Variants in INSYN2A observed in about 807,000 individuals in gnomAD.
INSYN2A encodes the protein family with sequence similarity 196 member A.
Under a neutral mutation model 39.4 loss-of-function variants are expected in INSYN2A, and 17 were observed. The observed-to-expected ratio is 0.43, with a 90% CI of 0.30 to 0.65. The LOEUF is 0.65. Among genes scored for constraint, INSYN2A ranks in the 30% least tolerant of loss-of-function variants. The probability of loss-of-function intolerance (pLI) is 0.14; values close to 1 mark genes in which losing one functional copy is unlikely to be tolerated. For missense variants in INSYN2A, 595 were observed against 631.2 expected (o/e 0.94, Z 0.61); for synonymous variants, 255 against 265.7 (o/e 0.96, Z 0.39).
chr10:127,142,532 G>A (rs2051364179), intron 5 of INSYN2A, among the ~76,000 whole-genome samples: 1 of 152,200 alleles, frequency 6.6e-6, no homozygotes, highest in Admixed American at 6.5e-5. Context: ...GAAGCAGCTG[G>A]AGCCAGGCCA....
intron 5 of INSYN2A, 89 bp downstream of exon 5, chr10:127,153,763 A>G: frequency 9.8e-7 from 1 of 1,022,854 alleles, no homozygotes; most frequent in African/African-American, 1.6e-5. Context: ...GAATCATCCC[A>G]GCATGGCCCC....
chr10:127,136,175 G>C lies in INSYN2A; in HGVS notation c.*1662C>G, dbSNP rs187602321. 1.1e-4 allele frequency: 17 copies of C among 152,192 alleles called. No homozygotes were observed. The highest frequency in any genetic ancestry group is 4.1e-4 in the African/African-American group (17 of 41,522). 9.4% of individuals were successfully genotyped at this position (152,192 alleles called of 1,614,324 possible). ...TTTGGCCCCCGAAGAATGTTTACAC[G>C]ACATACTCTTCATTTTTTTTTCAAG... On this transcript the variant is annotated 3_prime_UTR_variant, in exon 6 of 6. Coordinates refer to ENST00000522781, the MANE Select transcript of INSYN2A (RefSeq NM_001039762.3).
Position 127,135,643 on chromosome 10 carries a change from A to T in INSYN2A, c.*2194T>A, listed in dbSNP as rs182798660. The T allele has an allele frequency of 6.6e-6, 1 of 152,646 alleles. No individual in the cohort carries two copies. The highest frequency in any genetic ancestry group is 2.4e-5 in the African/African-American group (1 of 41,466). The allele number at this position is 152,646 out of a possible 1,614,324, so 9.5% of individuals were successfully genotyped here. A position where few individuals can be genotyped will look rare whatever the true frequency, so the allele number is the denominator to read the frequency against. ...AATTAAACTATGAAATGATTTTGACAATAGTTTTTCTATTTTGAACACACT... is the reference window on the plus strand; with the variant it reads ...AATTAAACTATGAAATGATTTTGACTATAGTTTTTCTATTTTGAACACACT... On this transcript the variant is annotated 3_prime_UTR_variant, in exon 6 of 6. Transcript: ENST00000522781.
rs79116563 is a variant in INSYN2A at position 127,175,015 on chromosome 10, C to T, written c.1184+197G>A. 0.15 allele frequency among the ~76,000 whole-genome samples: 22,110 copies of T among 152,138 alleles called. 1,899 individuals are homozygous for T. The highest frequency in any genetic ancestry group is 0.23 in the African/African-American group (9,690 of 41,504). On this transcript the variant is annotated intron_variant, in intron 4 of 5. Coordinates refer to ENST00000522781, the MANE Select transcript of INSYN2A (RefSeq NM_001039762.3). The surrounding 1 kb of genome is among the most constrained non-coding windows in gnomAD (Gnocchi z 6.3). ...AGAAAGATGAACATTAACCAGAAAGCGTATCGTGCAGGATGCAGTGACGTC... is the reference window on the plus strand; with the variant it reads ...AGAAAGATGAACATTAACCAGAAAGTGTATCGTGCAGGATGCAGTGACGTC...
chr10:127,190,071 A>G (rs546179145), intron 2 of INSYN2A, among the ~76,000 whole-genome samples: 30 of 152,346 alleles, frequency 2.0e-4, no homozygotes, highest in African/African-American at 7.2e-4. Flanking sequence ...ACATTAATTT[A>G]TCTGACTGCA....
intron 5 of INSYN2A, among the ~76,000 whole-genome samples, chr10:127,147,607 C>T (rs947228844): frequency 6.6e-6 from 1 of 152,142 alleles, no homozygotes; most frequent in African/African-American, 2.4e-5. Context: ...TCACACTCCT[C>T]CCAGTCTCCC....
chr10:127,188,939 G>A (rs923136233), intron 2 of INSYN2A, among the ~76,000 whole-genome samples: 6 of 152,346 alleles, frequency 3.9e-5, no homozygotes, highest in African/African-American at 1.4e-4. Context: ...GGGCAAAGGA[G>A]GACAGCCTGG....
intron 5 of INSYN2A, among the ~76,000 whole-genome samples, chr10:127,148,525 A>G (rs189038984): frequency 1.3e-5 from 2 of 152,308 alleles, no homozygotes; most frequent in African/African-American, 2.4e-5. Flanking sequence ...TCGCAGTACT[A>G]TGTTACAAAT....
At position 127,140,857 on chromosome 10, in the gene INSYN2A, C is replaced by T. The variant is rs565695600; in HGVS notation, c.1257-2837G>A. 2.0e-5 allele frequency among the ~76,000 whole-genome samples: 3 copies of T among 152,304 alleles called. No homozygotes were observed. The South Asian group carries it at 6.2e-4, about 32-fold the overall frequency. ...TGGAGAAAAGCTGCCGGTAGATGTT[C>T]CAGGGCACTGGGACTGCCCTGCACA... On this transcript the variant is annotated intron_variant, in intron 5 of 5. Transcript: ENST00000522781.
intron 5 of INSYN2A, among the ~76,000 whole-genome samples, chr10:127,149,362 C>A (rs1402790083): frequency 1.3e-5 from 2 of 152,188 alleles, no homozygotes; most frequent in African/African-American, 4.8e-5. Context: ...GTGGTTTTCC[C>A]CCCGCCTTGA....
intron 5 of INSYN2A, among the ~76,000 whole-genome samples, chr10:127,142,702 G>A (rs2051383116): frequency 6.6e-6 from 1 of 152,146 alleles, no homozygotes; most frequent in South Asian, 2.1e-4. Context: ...CCCTCTCGCT[G>A]CCTGCACCTC....
intron 1 of INSYN2A, among the ~76,000 whole-genome samples, chr10:127,194,793 G>T (rs537481153): frequency 2.6e-5 from 4 of 152,218 alleles, no homozygotes; most frequent in Admixed American, 2.0e-4. Flanking sequence ...TGATCGTTTG[G>T]CTTCCCAGCC....
chr10:127,155,382 TC>T (rs1391172473), intron 4 of INSYN2A, among the ~76,000 whole-genome samples: 1 of 152,168 alleles, frequency 6.6e-6, no homozygotes, highest in Non-Finnish European at 1.5e-5. Flanking sequence ...CATATTCTGC[TC>T]CAAAGTGTTG....
Position 127,176,306 on chromosome 10 carries a change from G to C in INSYN2A, c.90C>G (p.Tyr30Ter). 1 of 1,614,114 alleles carries C rather than the reference G, an allele frequency of 6.2e-7. No homozygotes were observed. The highest frequency in any genetic ancestry group is 1.7e-5 in the Admixed American group (1 of 60,024). The part of the protein sequence containing the change: ...PAACLALEMK[Y>*]ALDPNRQIKK... The stretch of plus-strand genomic sequence containing the variant: ...TAATCTGCCGGTTGGGGTCCAGGGC[G>C]TATTTCATCTCCAGGGCCAGGCAGG... The change falls in exon 4 of 6, where the codon TAC (tyrosine) becomes TAG (stop). Residue 30 changes from tyrosine (Y) to a stop codon, truncating the protein, a stop_gained. Transcript: ENST00000522781. LOFTEE classifies it high-confidence loss of function. This position sits in a 1 kb window ranked among gnomAD's most constrained non-coding sequence, Gnocchi z 4.4.
intron 5 of INSYN2A, among the ~76,000 whole-genome samples, chr10:127,138,492 C>T (rs763263223): frequency 3.3e-5 from 5 of 152,078 alleles, no homozygotes; most frequent in Non-Finnish European, 5.9e-5. Flanking sequence ...CCACCTAAAA[C>T]AATTCTGGAA....
chr10:127,153,548 C>T (rs1268357764), intron 5 of INSYN2A, among the ~76,000 whole-genome samples: 2 of 152,176 alleles, frequency 1.3e-5, no homozygotes, highest in Non-Finnish European at 1.5e-5. Context: ...ACAGCCTTTC[C>T]AGAACACAGA....
intron 4 of INSYN2A, among the ~76,000 whole-genome samples, chr10:127,157,453 A>C (rs1348691401): frequency 6.6e-6 from 1 of 152,238 alleles, no homozygotes; most frequent in Non-Finnish European, 1.5e-5. Flanking sequence ...TTTTTCTTAT[A>C]GGTGGTTGAA....
intron 2 of INSYN2A, among the ~76,000 whole-genome samples, chr10:127,182,559 A>G (rs1398675729): frequency 3.3e-5 from 5 of 152,204 alleles, no homozygotes; most frequent in African/African-American, 1.2e-4. Context: ...TGCTACATTC[A>G]TAGAGATGAA....
chr10:127,177,441 G>A (rs1030614014), intron 2 of INSYN2A, among the ~76,000 whole-genome samples: 7 of 152,234 alleles, frequency 4.6e-5, no homozygotes, highest in African/African-American at 1.4e-4. Flanking sequence ...TGATGGCTGC[G>A]CTTAAAGCAA....
Sources: gnomAD v4.1 joint callset for allele counts (sites outside exome capture counted in the v4.1 genomes callset) on GRCh38, gnomAD v4.1.1 for gene constraint, Gnocchi (gnomAD v3.1) non-coding constraint, MANE v1.5 for transcripts, NCBI Gene and HGNC (gene_info 2026-07-23, HGNC 2026-07-21) for gene names.